RPS6KC1: variants seen among roughly 807,000 people sequenced by gnomAD.
The protein encoded by RPS6KC1 is ribosomal protein S6 kinase C1, also known as inactive ribosomal protein S6 kinase delta-1.
A neutral mutation model predicts 103.8 loss-of-function variants in RPS6KC1; 54 were observed. The observed-to-expected ratio is 0.52, with a 90% CI of 0.42 to 0.65. The LOEUF is 0.65. RPS6KC1 is among the 30% of genes least tolerant of loss of function. The probability of loss-of-function intolerance (pLI) is 0.00; values close to 1 mark genes in which losing one functional copy is unlikely to be tolerated. For missense variants in RPS6KC1, 1,151 were observed against 1,253.8 expected, an observed-to-expected ratio of 0.92 and a Z score of 1.24; for synonymous variants, 439 against 438.7, an observed-to-expected ratio of 1.00 and a Z score of -0.01.
chr1:213,424,632 C>T, the RPS6KC1 span, among the ~76,000 whole-genome samples: 1 of 152,252 alleles, frequency 6.6e-6, no homozygotes, highest in South Asian at 2.1e-4. Flanking sequence ...CCCTGATGGA[C>T]AGTGCTCTCC....
the RPS6KC1 span, among the ~76,000 whole-genome samples, chr1:213,726,428 A>G: frequency 2.0e-5 from 3 of 152,220 alleles, no homozygotes; most frequent in Non-Finnish European, 4.4e-5. Context: ...GTCATAAAAA[A>G]GAGGTATCTC....
chr1:213,270,320 A>G (rs1306437991), intron 14 of RPS6KC1, among the ~76,000 whole-genome samples: 1 of 152,248 alleles, frequency 6.6e-6, no homozygotes, highest in African/African-American at 2.4e-5. Context: ...AGTTAAAGCC[A>G]TAAAAATTGT....
the RPS6KC1 span, among the ~76,000 whole-genome samples, chr1:213,478,659 T>C: frequency 0.05 from 7,566 of 152,242 alleles, 609 homozygotes; most frequent in African/African-American, 0.17. Context: ...TTGTGTATCT[T>C]CTTTGGCAAG....
chr1:213,570,165 T>C, the RPS6KC1 span, among the ~76,000 whole-genome samples: 1 of 152,244 alleles, frequency 6.6e-6, no homozygotes, highest in African/African-American at 2.4e-5. Flanking sequence ...AACTCAGCTC[T>C]GTCACTTATT....
chr1:213,431,643 T>C, the RPS6KC1 span, among the ~76,000 whole-genome samples: 1 of 141,370 alleles, frequency 7.1e-6, no homozygotes, highest in African/African-American at 2.7e-5. Context: ...TTGTATTCCA[T>C]TGTTTGTGTG....
chr1:213,551,064 C>T, the RPS6KC1 span, among the ~76,000 whole-genome samples: 14 of 152,166 alleles, frequency 9.2e-5, no homozygotes, highest in Non-Finnish European at 1.5e-4. Context: ...CCCTAAACCT[C>T]AGGGGCTGAA....
At chr1:213,734,074 A>C in the RPS6KC1 span, among the ~76,000 whole-genome samples, 1 of 152,246 alleles carries the variant, frequency 6.6e-6, no homozygotes, top group Non-Finnish European at 1.5e-5. Flanking sequence ...CCCAGGATTC[A>C]GCAAGTGACA....
the RPS6KC1 span, among the ~76,000 whole-genome samples, chr1:213,485,071 G>T: frequency 6.6e-6 from 1 of 152,102 alleles, no homozygotes; most frequent in Admixed American, 6.6e-5. Context: ...CCACTAAGTT[G>T]CCCAAGCTGG....
chr1:213,470,297 GTTCTGTAAAGCTTTCCACA>G, the RPS6KC1 span, among the ~76,000 whole-genome samples: 1 of 152,104 alleles, frequency 6.6e-6, no homozygotes, highest in South Asian at 2.1e-4. Flanking sequence ...CAGGTGATTG[GTTCTGTAAAGCTTTCCACA>G]TTCTTAATTT....
At chr1:213,308,169 C>A in the RPS6KC1 span, among the ~76,000 whole-genome samples, 3 of 151,976 alleles carry the variant, frequency 2.0e-5, no homozygotes, top group South Asian at 6.2e-4. Context: ...AAAAAATGAG[C>A]TGGATGTGGT....
chr1:213,084,236 T>C (rs2080175363), intron 3 of RPS6KC1, among the ~76,000 whole-genome samples: 1 of 152,098 alleles, frequency 6.6e-6, no homozygotes, highest in African/African-American at 2.4e-5. Context: ...AATTTTACAT[T>C]ATTTTAAGTT....
At chr1:213,145,967 G>GGTTT (rs2087725341) in intron 6 of RPS6KC1, among the ~76,000 whole-genome samples, 1 of 47,804 alleles carries the variant, frequency 2.1e-5, no homozygotes, top group African/African-American at 9.8e-5. Flanking sequence ...CATTCATTCT[G>GGTTT]TTTTTTTTTT....
the RPS6KC1 span, among the ~76,000 whole-genome samples, chr1:213,442,989 G>A: frequency 1.3e-5 from 2 of 151,700 alleles, no homozygotes; most frequent in Admixed American, 6.6e-5. Flanking sequence ...TGCAACAAGA[G>A]CATTGGGGTG....
At chr1:213,277,348 C>T (rs2095114277), downstream of RPS6KC1, among the ~76,000 whole-genome samples, 2 of 152,208 alleles carry the variant, frequency 1.3e-5, 1 homozygote, top group South Asian at 4.2e-4. Flanking sequence ...ATTTTTGGTC[C>T]CTATCACATG....
intron 14 of RPS6KC1, among the ~76,000 whole-genome samples, chr1:213,266,004 T>C (rs1241859323): frequency 6.6e-6 from 1 of 152,196 alleles, no homozygotes; most frequent in African/African-American, 2.4e-5. Flanking sequence ...TAGCTATTCA[T>C]AGAGTTGTGA....
At chr1:213,205,567 T>TATATATATATATATATATATA (rs57191154) in intron 8 of RPS6KC1, among the ~76,000 whole-genome samples, 565 of 138,206 alleles carry the variant, frequency 4.1e-3, no homozygotes, top group Non-Finnish European at 5.8e-3. Context: ...TATATATATA[T>TATATATATATATATATATATA]TTCAAAAGAA....
the RPS6KC1 span, among the ~76,000 whole-genome samples, chr1:213,814,064 C>T: frequency 3.7e-4 from 56 of 152,352 alleles, no homozygotes; most frequent in East Asian, 6.6e-3. Flanking sequence ...CAGTTTTATA[C>T]AGAATTAGAA....
chr1:213,753,625 C>A, the RPS6KC1 span, among the ~76,000 whole-genome samples: 2 of 152,150 alleles, frequency 1.3e-5, no homozygotes, highest in Non-Finnish European at 2.9e-5. Context: ...CTTATGCAAA[C>A]CTTTCCAGGA....
At chr1:213,744,062 A>C in the RPS6KC1 span, among the ~76,000 whole-genome samples, 1 of 152,148 alleles carries the variant, frequency 6.6e-6, no homozygotes. Flanking sequence ...CTCACTTATA[A>C]GTGGGAGTTA....
Sources: gnomAD v4.1 joint callset for allele counts (sites outside exome capture counted in the v4.1 genomes callset) on GRCh38, gnomAD v4.1.1 for gene constraint, MANE v1.5 for transcripts, NCBI Gene and HGNC (gene_info 2026-07-23, HGNC 2026-07-21) for gene names.